CALHM5: variants seen among roughly 807,000 people sequenced by gnomAD.
CALHM5 encodes calcium homeostasis modulator family member 5, also known as calcium homeostasis modulator protein 5.
A neutral mutation model predicts 20.9 loss-of-function variants in CALHM5; 17 were observed. The observed-to-expected ratio is 0.82, with a 90% CI of 0.56 to 1.22. The LOEUF is 1.22. Ranked by LOEUF, CALHM5 falls within the 50% of genes most tolerant of loss-of-function variation. The pLI is 0.00. For synonymous variants in CALHM5, 148 were observed against 140.0 expected, an observed-to-expected ratio of 1.06 and a Z score of -0.40; for missense variants, 360 against 364.6, an observed-to-expected ratio of 0.99 and a Z score of 0.10.
rs2115170310 is a variant in CALHM5 at position 116,517,378 on chromosome 6, T to A, written c.*1389T>A. 1 of 152,344 alleles carries A rather than the reference T, an allele frequency of 6.6e-6. No individual in the cohort carries two copies. Among genetic ancestry groups the A allele is most frequent in the East Asian group, 1.9e-4 (1 of 5,184 alleles). 9.4% of individuals were successfully genotyped at this position (152,344 alleles called of 1,614,324 possible). On this transcript the variant is annotated 3_prime_UTR_variant, in exon 2 of 2. Transcript: ENST00000368599. ...CATTCTACAATGTACTATATCCATG[T>A]TAGTATGTACATATATATGTGTATG...
intron 1 of CALHM5, among the ~76,000 whole-genome samples, chr6:116,515,047 T>A (rs1772196298): frequency 6.6e-6 from 1 of 152,232 alleles, no homozygotes; most frequent in Admixed American, 6.5e-5. Flanking sequence ...CAAATCATTT[T>A]CAAGGTTTTA....
In CALHM5 at chr6:116,520,203, T is replaced by C. The variant is rs1279044550; in HGVS notation, c.*4214T>C. 1 of 152,206 alleles carries C rather than the reference T, an allele frequency of 6.6e-6. No homozygotes were observed. Among genetic ancestry groups the C allele is most frequent in the African/African-American group, 2.4e-5 (1 of 41,452 alleles). The allele number at this position is 152,206 out of a possible 1,614,324, so 9.4% of individuals were successfully genotyped here. On this transcript the variant is annotated 3_prime_UTR_variant, in exon 2 of 2. Coordinates refer to ENST00000368599, the MANE Select transcript of CALHM5 (RefSeq NM_153711.5). ...TGATCCACTGATTTACTCTAAAAAC[T>C]GGTTAAAGCAATCCAGAAGTCACTG...
At position 116,520,104 on chromosome 6, in the gene CALHM5, C is replaced by T. The variant is rs771246396; in HGVS notation, c.*4115C>T. The T allele has an allele frequency of 2.6e-5, 4 of 152,046 alleles. No individual in the cohort carries two copies. Among genetic ancestry groups the T allele is most frequent in the Non-Finnish European group, 5.9e-5 (4 of 68,014 alleles). 9.4% of individuals were successfully genotyped at this position (152,046 alleles called of 1,614,324 possible). On this transcript the variant is annotated 3_prime_UTR_variant, in exon 2 of 2. Coordinates refer to ENST00000368599, the MANE Select transcript of CALHM5 (RefSeq NM_153711.5). ...GGTTTTCTACTTGAGACCTTTAAAG[C>T]ATCACTAAAAATGTATACATTTAAT...
At chr6:116,514,707 A>T (rs1385362251) in intron 1 of CALHM5, among the ~76,000 whole-genome samples, 1 of 152,214 alleles carries the variant, frequency 6.6e-6, no homozygotes, top group Non-Finnish European at 1.5e-5. Context: ...ATCTGAGTCA[A>T]AGGTTGGGAA....
rs1423236470 is a variant in CALHM5 at position 116,520,066 on chromosome 6, A to T, written c.*4077A>T. The stretch of plus-strand genomic sequence containing the variant: ...AATATATGTGTCCAAAGCAACTTTT[A>T]AAATTTTTGTATGGTTTTCTACTTG... On this transcript the variant is annotated 3_prime_UTR_variant, in exon 2 of 2. Coordinates refer to ENST00000368599, the MANE Select transcript of CALHM5 (RefSeq NM_153711.5). 2.0e-5 allele frequency: 3 copies of T among 152,216 alleles called. No homozygotes were observed. The highest frequency in any genetic ancestry group is 4.4e-5 in the Non-Finnish European group (3 of 68,030). 9.4% of individuals were successfully genotyped at this position (152,216 alleles called of 1,614,324 possible). A position where few individuals can be genotyped will look rare whatever the true frequency, so the allele number is the denominator to read the frequency against.
chr6:116,515,797 T>G lies in CALHM5; in HGVS notation c.738T>G (p.Phe246Leu). ...GCGAGAGGAACCTGAAATGTTTTTT[T>G]GAAAACAAGAGGCCAGATCCTTTTC... ...KLSERNLKCF[F>L]ENKRPDPFPM... Residue 246 changes from phenylalanine to leucine, a missense_variant, in exon 2 of 2, where the codon TTT (phenylalanine) becomes TTG (leucine). Physicochemically the swap from Phe to Leu is conservative, Grantham distance 22. Transcript: ENST00000368599. The G allele has an allele frequency of 6.2e-7, 1 of 1,614,008 alleles. No homozygotes were observed. Among genetic ancestry groups the G allele is most frequent in the South Asian group, 1.1e-5 (1 of 91,090 alleles).
chr6:116,511,973 A>G lies in CALHM5; in HGVS notation c.277A>G (p.Ser93Gly). ...CAGGAAAATCTTTCCCAGAGGCCAC[A>G]GCTGCCGTTTCTTCTACGTCCTCGG... ...NPRKIFPRGH[S>G]CRFFYVLGQI... The change falls in exon 1 of 2, where the codon AGC becomes GGC. Residue 93 changes from serine (S) to glycine (G), a missense_variant. Ser to Gly is a moderately conservative substitution (Grantham distance 56). Transcript: ENST00000368599. The G allele has an allele frequency of 1.2e-6, 2 of 1,614,038 alleles. No homozygotes were observed. Among genetic ancestry groups the G allele is most frequent in the Non-Finnish European group, 1.7e-6 (2 of 1,180,004 alleles).
At chr6:116,515,032 C>G (rs1207259639) in intron 1 of CALHM5, among the ~76,000 whole-genome samples, 1 of 152,134 alleles carries the variant, frequency 6.6e-6, no homozygotes, top group African/African-American at 2.4e-5. Context: ...TACCAAAAAT[C>G]AAGACAAATC....
intron 1 of CALHM5, among the ~76,000 whole-genome samples, chr6:116,515,050 A>G (rs186021484): frequency 3.3e-5 from 5 of 152,340 alleles, no homozygotes; most frequent in East Asian, 3.9e-4. Context: ...ATCATTTTCA[A>G]GGTTTTAATG....
rs1273371332 is a variant in CALHM5 at position 116,519,362 on chromosome 6, C to A, written c.*3373C>A. Reference sequence around the variant, plus strand: ...GGGGGCTCTGGAATGTCAGATTTCTCCTGATCCCAAGTGTGCTCTGGGGCT... The same window carrying A: ...GGGGGCTCTGGAATGTCAGATTTCTACTGATCCCAAGTGTGCTCTGGGGCT... On this transcript the variant is annotated 3_prime_UTR_variant, in exon 2 of 2. Transcript: ENST00000368599. The A allele has an allele frequency of 6.6e-6, 1 of 152,222 alleles. No individual in the cohort carries two copies. The highest frequency in any genetic ancestry group is 1.5e-5 in the Non-Finnish European group (1 of 68,084). 9.4% of individuals were successfully genotyped at this position (152,222 alleles called of 1,614,324 possible).
In CALHM5 at chr6:116,519,575, A is replaced by G. The variant is rs1377281166; in HGVS notation, c.*3586A>G. The G allele has an allele frequency of 1.3e-5, 2 of 152,160 alleles. No individual in the cohort carries two copies. The highest frequency in any genetic ancestry group is 2.4e-5 in the African/African-American group (1 of 41,430). 9.4% of individuals were successfully genotyped at this position (152,160 alleles called of 1,614,324 possible). ...CCATAACAGTCTCTTCTAGGTCTAG[A>G]CTTGAAGCATATGGAAGGGTCCTTG... On this transcript the variant is annotated 3_prime_UTR_variant, in exon 2 of 2. Transcript: ENST00000368599.
rs2637675 is a variant in CALHM5 at position 116,521,714 on chromosome 6, G to A, written c.*5725G>A. ...AGAAATAATGCTTTAATAACTATCT[G>A]GCTACCCCTTAATCCAATCAAGTTG... On this transcript the variant is annotated 3_prime_UTR_variant, in exon 2 of 2. Transcript: ENST00000368599. The A allele has an allele frequency of 0.025, 3,840 of 152,158 alleles. 75 individuals are homozygous for A. Among genetic ancestry groups the A allele is most frequent in the Middle Eastern group, 0.092 (27 of 294 alleles). The allele number at this position is 152,158 out of a possible 1,614,324, so 9.4% of individuals were successfully genotyped here.
Position 116,520,115 on chromosome 6 carries a change from A to G in CALHM5, c.*4126A>G, listed in dbSNP as rs1367325700. On this transcript the variant is annotated 3_prime_UTR_variant, in exon 2 of 2. Coordinates refer to ENST00000368599, the MANE Select transcript of CALHM5 (RefSeq NM_153711.5). ...TGAGACCTTTAAAGCATCACTAAAA[A>G]TGTATACATTTAATGAGAAAACGAT... 1 of 152,198 alleles carries G rather than the reference A, an allele frequency of 6.6e-6. No individual in the cohort carries two copies. Among genetic ancestry groups the G allele is most frequent in the Non-Finnish European group, 1.5e-5 (1 of 68,032 alleles). 9.4% of individuals were successfully genotyped at this position (152,198 alleles called of 1,614,324 possible).
At position 116,515,954 on chromosome 6, in the gene CALHM5, A is replaced by G; in HGVS notation, c.895A>G (p.Thr299Ala). The change falls in exon 2 of 2, where the codon ACA (threonine) becomes GCA (alanine). Residue 299 changes from threonine to alanine, a missense_variant. Thr to Ala is a moderately conservative substitution (Grantham distance 58). Transcript: ENST00000368599. Reference protein sequence around the residue: ...LQLSPEDDETTMVLVGTAHNM With the variant: ...LQLSPEDDETAMVLVGTAHNM Reference sequence around the variant, plus strand: ...ACTTAGCCCTGAGGATGATGAGACGACAATGGTCCTTGTGGGTACTGCCCA... The same window carrying G: ...ACTTAGCCCTGAGGATGATGAGACGGCAATGGTCCTTGTGGGTACTGCCCA... 2 of 1,609,908 alleles carry G rather than the reference A, an allele frequency of 1.2e-6. No homozygotes were observed. The highest frequency in any genetic ancestry group is 1.7e-6 in the Non-Finnish European group (2 of 1,176,786).
At chr6:116,512,614 T>C (rs544615951) in intron 1 of CALHM5, among the ~76,000 whole-genome samples, 51 of 152,346 alleles carry the variant, frequency 3.3e-4, no homozygotes, top group African/African-American at 1.2e-3. Flanking sequence ...TTATTTACAT[T>C]CAAGTTGTTT....
At position 116,522,729 on chromosome 6, in the gene CALHM5, C is replaced by G. The variant is rs1772368000; in HGVS notation, c.*6740C>G. On this transcript the variant is annotated 3_prime_UTR_variant, in exon 2 of 2. Transcript: ENST00000368599. ...TAGCAAGTGAGGGTTTCAGACTAGG[C>G]TGGCCTTCAGTAAGCTGGAAAGAGA... 6.6e-6 allele frequency: 1 copy of G among 152,196 alleles called. No homozygotes were observed. The highest frequency in any genetic ancestry group is 2.1e-4 in the South Asian group (1 of 4,818). The allele number at this position is 152,196 out of a possible 1,614,324, so 9.4% of individuals were successfully genotyped here. A position where few individuals can be genotyped will look rare whatever the true frequency, so the allele number is the denominator to read the frequency against.
rs1198977627 is a variant in CALHM5 at position 116,516,708 on chromosome 6, T to TATAC, written c.*720_*721insTACA. On this transcript the variant is annotated 3_prime_UTR_variant, in exon 2 of 2. Coordinates refer to ENST00000368599, the MANE Select transcript of CALHM5 (RefSeq NM_153711.5). Reference sequence around the variant, plus strand: ...ATATATATATATATATATATATATATACACACACACAGAAATATATATTTA... The same window carrying TATAC: ...ATATATATATATATATATATATATATATACACACACACACAGAAATATATATTTA... 2 of 119,644 alleles carry TATAC rather than the reference T, an allele frequency of 1.7e-5. No individual in the cohort carries two copies. The highest frequency in any genetic ancestry group is 5.5e-4 in the South Asian group (2 of 3,618). The allele number at this position is 119,644 out of a possible 1,614,324, so 7.4% of individuals were successfully genotyped here. A position where few individuals can be genotyped will look rare whatever the true frequency, so the allele number is the denominator to read the frequency against.
chr6:116,511,914 C>T lies in CALHM5; in HGVS notation c.218C>T (p.Ser73Leu), dbSNP rs748229444. Residue 73 changes from serine (S) to leucine (L), a missense_variant, in exon 1 of 2, where the codon TCG becomes TTG. By Grantham distance (145) the Ser-to-Leu change is moderately radical. Coordinates refer to ENST00000368599, the MANE Select transcript of CALHM5 (RefSeq NM_153711.5). ...CTGGGATTCTTTCTGAACAATAGGTCGTGGAGACTCTTCACAGGCTGCTGT... is the reference window on the plus strand; with the variant it reads ...CTGGGATTCTTTCTGAACAATAGGTTGTGGAGACTCTTCACAGGCTGCTGT... ...LILGFFLNNRSWRLFTGCCVN... is the reference protein window; with the variant it reads ...LILGFFLNNRLWRLFTGCCVN... 5.0e-6 allele frequency: 8 copies of T among 1,613,964 alleles called. No homozygotes were observed. Among genetic ancestry groups the T allele is most frequent in the Non-Finnish European group, 6.8e-6 (8 of 1,179,980 alleles).
At position 116,515,872 on chromosome 6, in the gene CALHM5, C is replaced by T. The variant is rs41289936; in HGVS notation, c.813C>T (p.Phe271=). The change falls in exon 2 of 2, where the codon TTC becomes TTT. Residue 271 remains phenylalanine, a synonymous_variant. Coordinates refer to ENST00000368599, the MANE Select transcript of CALHM5 (RefSeq NM_153711.5). ...AGGCTGCTTCAGAGCTGCATTCTTT[C>T]CACCAAAGCCAGCAACACTATAGCA... ...AWEAASELHS[F]HQSQQHYSTL... The T allele has an allele frequency of 1.9e-6, 3 of 1,613,836 alleles. No homozygotes were observed. The highest frequency in any genetic ancestry group is 2.5e-6 in the Non-Finnish European group (3 of 1,179,928).
Sources: gnomAD v4.1 joint callset for allele counts (sites outside exome capture counted in the v4.1 genomes callset) on GRCh38, gnomAD v4.1.1 for gene constraint, MANE v1.5 for transcripts, NCBI Gene and HGNC (gene_info 2026-07-23, HGNC 2026-07-21) for gene names.